The following CREBBP variants were observed in gnomAD, a reference collection of about 807,000 sequenced individuals.
The protein encoded by CREBBP is CREB binding lysine acetyltransferase, also known as CREB-binding protein.
Under a neutral mutation model 265.0 loss-of-function variants are expected in CREBBP, and 19 were observed. That is an observed-to-expected ratio of 0.07 (90% CI 0.05 to 0.11). The LOEUF (loss-of-function observed/expected upper bound fraction) is 0.11, where lower values mean the gene tolerates loss of function less well. CREBBP is among the 10% of genes least tolerant of loss of function. The probability of loss-of-function intolerance (pLI) is 1.00; values close to 1 mark genes in which losing one functional copy is unlikely to be tolerated. For missense variants in CREBBP, 2,525 were observed against 3,219.0 expected (o/e 0.78, Z 5.22); for synonymous variants, 1,457 against 1,223.7 (o/e 1.19, Z -3.98).
chr16:3,757,510 G>T, intron 18 of CREBBP, 134 bp from the exon 19 acceptor site: 1 of 918,542 alleles, frequency 1.1e-6, no homozygotes, highest in Non-Finnish European at 1.7e-6. Context: ...AATTTTAGTA[G>T]CTTTAAAGAC....
chr16:3,797,597 GTCTCTCTC>G (rs752609484), intron 3 of CREBBP, among the ~76,000 whole-genome samples: 7 of 149,692 alleles, frequency 4.7e-5, no homozygotes, highest in Non-Finnish European at 5.9e-5. Flanking sequence ...CATGAATGTG[GTCTCTCTC>G]TCTCTCTCTC....
At chr16:3,784,004 C>T (rs1271485982) in intron 5 of CREBBP, among the ~76,000 whole-genome samples, 1 of 152,196 alleles carries the variant, frequency 6.6e-6, no homozygotes, top group Non-Finnish European at 1.5e-5. Flanking sequence ...TATCATATGG[C>T]AGAAGTTCTA....
At chr16:3,801,883 G>T (rs1189972034) in intron 3 of CREBBP, among the ~76,000 whole-genome samples, 1 of 152,076 alleles carries the variant, frequency 6.6e-6, no homozygotes, top group Admixed American at 6.5e-5. Flanking sequence ...AGCCATACTG[G>T]TTTAAACCTT....
rs1181294392 is a variant in CREBBP at position 3,725,742 on chromosome 16, G to C, written c.*1976C>G. On this transcript the variant is annotated 3_prime_UTR_variant, in exon 31 of 31. Coordinates refer to ENST00000262367, the MANE Select transcript of CREBBP (RefSeq NM_004380.3). ...TTCTTAGAAAGGTTCCTCGAATTCA[G>C]ATTCCCAAACCAAGTATTCAGCTAT... 1 of 233,198 alleles carries C rather than the reference G, an allele frequency of 4.3e-6. No individual in the cohort carries two copies. Among genetic ancestry groups the C allele is most frequent in the African/African-American group, 2.2e-5 (1 of 45,350 alleles). 14.4% of individuals were successfully genotyped at this position (233,198 alleles called of 1,614,324 possible).
chr16:3,783,031 T>C, intron 5 of CREBBP, 105 bp from the exon 6 acceptor site: 2 of 1,401,258 alleles, frequency 1.4e-6, no homozygotes, highest in Non-Finnish European at 2.0e-6. Context: ...TTCATCAAAA[T>C]ACTACACATG....
chr16:3,838,373 A>G (rs8052134), intron 2 of CREBBP, among the ~76,000 whole-genome samples: 1 of 152,174 alleles, frequency 6.6e-6, no homozygotes, highest in South Asian at 2.1e-4. Context: ...TGTTCCTAGC[A>G]TAACATAATC....
At chr16:3,844,939 C>T (rs1202092924) in intron 2 of CREBBP, among the ~76,000 whole-genome samples, 1 of 151,960 alleles carries the variant, frequency 6.6e-6, no homozygotes, top group Admixed American at 6.6e-5. Flanking sequence ...CAACATAAGA[C>T]CCCCAGAAAA....
chr16:3,811,855 A>G (rs1056433998), intron 2 of CREBBP, among the ~76,000 whole-genome samples: 5 of 152,228 alleles, frequency 3.3e-5, no homozygotes, highest in African/African-American at 1.2e-4. Flanking sequence ...AAGATACAGT[A>G]TATAACACAT....
chr16:3,741,659 G>C (rs549768521), intron 23 of CREBBP: 1 of 151,202 alleles, frequency 6.6e-6, no homozygotes, highest in Non-Finnish European at 1.5e-5. Flanking sequence ...ACAAAATTAA[G>C]CTGAGCGCAG....
At chr16:3,879,005 T>C (rs546475258) in intron 1 of CREBBP, among the ~76,000 whole-genome samples, 5 of 132,246 alleles carry the variant, frequency 3.8e-5, no homozygotes, top group African/African-American at 1.4e-4. Context: ...TCCATTTTTT[T>C]GAAAAATTGG....
rs550524407 is a variant in CREBBP, at chr16:3,853,939, A to AAAAC, written c.86-2934_86-2931dup. On this transcript the variant is annotated intron_variant, in intron 1 of 30. Transcript: ENST00000262367. ...GCAACAAGAGCGAAACTCCGTCTCA[A>AAAAC]AAACAAACAAACAAACAAACAAACA... Among the ~76,000 whole-genome samples the AAAAC allele has an allele frequency of 3.0e-3, 457 of 151,666 alleles. 4 individuals are homozygous for AAAAC. Among genetic ancestry groups the AAAAC allele is most frequent in the Middle Eastern group, 0.027 (8 of 294 alleles).
At position 3,736,639 on chromosome 16, in the gene CREBBP, G is replaced by GCGCC; in HGVS notation, c.4560+7_4560+10dup. 2 of 1,614,208 alleles carry GCGCC rather than the reference G, an allele frequency of 1.2e-6. No homozygotes were observed. The highest frequency in any genetic ancestry group is 1.7e-6 in the Non-Finnish European group (2 of 1,180,038). ...TGACAAAAGCCACCACCTTCCTTCA[G>GCGCC]CGCCGGGTACCTTGTAGTCATGGAT... is the stretch of plus-strand genomic sequence containing the variant. On this transcript the variant is annotated intron_variant, in intron 27 of 30. Transcript: ENST00000262367.
chr16:3,865,970 G>A (rs867692370), intron 1 of CREBBP, among the ~76,000 whole-genome samples: 46 of 152,146 alleles, frequency 3.0e-4, no homozygotes, highest in African/African-American at 1.1e-3. Flanking sequence ...ACCCCCACTG[G>A]GGATATACTG....
chr16:3,761,243 G>A (rs2052710607), intron 16 of CREBBP, among the ~76,000 whole-genome samples: 1 of 152,212 alleles, frequency 6.6e-6, no homozygotes, highest in Non-Finnish European at 1.5e-5. Context: ...ACAGGTGTGA[G>A]CCACCATGCC....
At chr16:3,817,135 G>C (rs2054051562) in intron 2 of CREBBP, among the ~76,000 whole-genome samples, 1 of 152,180 alleles carries the variant, frequency 6.6e-6, no homozygotes, top group Admixed American at 6.5e-5. Context: ...GGTGAAACGG[G>C]TGTGTGTGAT....
intron 8 of CREBBP, among the ~76,000 whole-genome samples, chr16:3,780,241 C>CAA (rs559038927): frequency 2.1e-3 from 111 of 53,222 alleles, no homozygotes; most frequent in East Asian, 4.7e-3. Context: ...GACTCTGTCT[C>CAA]AAAAAAAAAA....
chr16:3,773,375 G>T (rs2053060568), intron 13 of CREBBP, among the ~76,000 whole-genome samples: 1 of 152,184 alleles, frequency 6.6e-6, no homozygotes, highest in African/African-American at 2.4e-5. Flanking sequence ...CATCAAGAGT[G>T]AATTCATGGG....
rs916902394 is a variant in CREBBP, at chr16:3,865,924, C to A, written c.85+13908G>T. ...TGCAGGGATTACAGGCGTGAGCCCA[C>A]CGCGCCCGGCCAAGAAACTGATTTT... On this transcript the variant is annotated intron_variant, in intron 1 of 30. Coordinates refer to ENST00000262367, the MANE Select transcript of CREBBP (RefSeq NM_004380.3). Among the ~76,000 whole-genome samples the A allele has an allele frequency of 1.1e-4, 16 of 152,314 alleles. No individual in the cohort carries two copies. In the South Asian group the frequency reaches 3.3e-3, roughly 32 times the overall value.
Position 3,725,852 on chromosome 16 carries a change from C to T in CREBBP, c.*1866G>A, listed in dbSNP as rs1312641859. On this transcript the variant is annotated 3_prime_UTR_variant, in exon 31 of 31. Coordinates refer to ENST00000262367, the MANE Select transcript of CREBBP (RefSeq NM_004380.3). Reference sequence around the variant, plus strand: ...AAATTACCATCACCCCCACCTAGACCAGCCTTTGTTGGGGGACTAGGGATA... The same window carrying T: ...AAATTACCATCACCCCCACCTAGACTAGCCTTTGTTGGGGGACTAGGGATA... 4.3e-6 allele frequency: 1 copy of T among 233,062 alleles called. No homozygotes were observed. The highest frequency in any genetic ancestry group is 5.6e-5 in the Admixed American group (1 of 17,778). 14.4% of individuals were successfully genotyped at this position (233,062 alleles called of 1,614,324 possible).
Sources: allele counts gnomAD v4.1 joint callset (sites outside exome capture counted in the v4.1 genomes callset), GRCh38; gene constraint gnomAD v4.1.1; transcripts MANE v1.5; gene names NCBI Gene and HGNC (gene_info 2026-07-23, HGNC 2026-07-21).